The following SLC4A10 variants were observed in gnomAD, a reference collection of about 807,000 sequenced individuals.
SLC4A10 encodes solute carrier family 4 member 10.
In SLC4A10, 42 loss-of-function variants were observed where a neutral mutation model predicts 137.7. The observed-to-expected ratio is 0.30, with a 90% CI of 0.24 to 0.39. The LOEUF (loss-of-function observed/expected upper bound fraction) is 0.39, where lower values mean the gene tolerates loss of function less well. SLC4A10 is among the 10% of genes least tolerant of loss of function. The probability of loss-of-function intolerance (pLI) is 1.00; values close to 1 mark genes in which losing one functional copy is unlikely to be tolerated. For missense variants in SLC4A10, 925 were observed against 1,355.0 expected, an observed-to-expected ratio of 0.68 and a Z score of 4.98; for synonymous variants, 474 against 464.1, an observed-to-expected ratio of 1.02 and a Z score of -0.27.
At chr2:161,781,471 A>G (rs572462549) in intron 2 of SLC4A10, among the ~76,000 whole-genome samples, 10 of 152,114 alleles carry the variant, frequency 6.6e-5, no homozygotes, top group Admixed American at 3.9e-4. Context: ...TGAATGTTTC[A>G]TAAGATATCT....
chr2:161,985,085 T>A lies in SLC4A10; in HGVS notation c.*1933T>A, dbSNP rs571180429. ...TATTTTGAAATCATATAAAATATAA[T>A]AAAAATGTAGTATTATATATTTACT... On this transcript the variant is annotated 3_prime_UTR_variant, in exon 27 of 27. Coordinates refer to ENST00000446997, the MANE Select transcript of SLC4A10 (RefSeq NM_001178015.2). 1 of 151,982 alleles carries A rather than the reference T, an allele frequency of 6.6e-6. No individual in the cohort carries two copies. Among genetic ancestry groups the A allele is most frequent in the Non-Finnish European group, 1.5e-5 (1 of 67,928 alleles). 9.4% of individuals were successfully genotyped at this position (151,982 alleles called of 1,614,324 possible). A position where few individuals can be genotyped will look rare whatever the true frequency, so the allele number is the denominator to read the frequency against.
chr2:161,721,200 A>T (rs529005639), intron 1 of SLC4A10, among the ~76,000 whole-genome samples: 116 of 152,284 alleles, frequency 7.6e-4, no homozygotes, highest in Non-Finnish European at 1.2e-3. Flanking sequence ...TAATATCTTT[A>T]TGTGTGAATT....
chr2:161,827,586 C>T (rs574877129), intron 3 of SLC4A10, among the ~76,000 whole-genome samples: 4 of 149,834 alleles, frequency 2.7e-5, no homozygotes, highest in Admixed American at 6.6e-5. Context: ...TTTTTTGAGA[C>T]GGAGTCTCGC....
intron 15 of SLC4A10, among the ~76,000 whole-genome samples, chr2:161,909,817 C>T (rs555198934): frequency 1.3e-5 from 2 of 152,258 alleles, no homozygotes; most frequent in South Asian, 4.1e-4. Flanking sequence ...TAATCTCATA[C>T]TTTTGCACAA....
intron 1 of SLC4A10, among the ~76,000 whole-genome samples, chr2:161,717,839 A>G (rs1299255250): frequency 6.6e-6 from 1 of 152,078 alleles, no homozygotes; most frequent in Admixed American, 6.6e-5. Flanking sequence ...CTCCTTTCCA[A>G]TTGTTTGGAA....
chr2:161,757,930 A>G (rs978024607), intron 1 of SLC4A10, among the ~76,000 whole-genome samples: 4 of 152,112 alleles, frequency 2.6e-5, no homozygotes. Context: ...TCTTGTGAAG[A>G]GAATAAATAA....
intron 15 of SLC4A10, among the ~76,000 whole-genome samples, chr2:161,910,365 C>T (rs1685540216): frequency 1.3e-5 from 2 of 152,074 alleles, no homozygotes; most frequent in Non-Finnish European, 2.9e-5. Context: ...AGAATACATA[C>T]ATTGCACCAG....
chr2:161,904,530 C>G (rs1172106120), intron 13 of SLC4A10, among the ~76,000 whole-genome samples: 1 of 152,188 alleles, frequency 6.6e-6, no homozygotes, highest in African/African-American at 2.4e-5. Flanking sequence ...TACATTTAAA[C>G]CTTTTGTAAG....
At chr2:161,742,645 G>A (rs188580642) in intron 1 of SLC4A10, among the ~76,000 whole-genome samples, 31 of 151,768 alleles carry the variant, frequency 2.0e-4, no homozygotes, top group African/African-American at 6.8e-4. Context: ...TCACCATGTT[G>A]GCCAGTCTGG....
At chr2:161,955,415 C>T (rs549674954) in intron 19 of SLC4A10, among the ~76,000 whole-genome samples, 1 of 152,258 alleles carries the variant, frequency 6.6e-6, no homozygotes, top group South Asian at 2.1e-4. Context: ...TCTTGAGTTA[C>T]TTGCAAAGAA....
intron 2 of SLC4A10, among the ~76,000 whole-genome samples, chr2:161,793,900 ATT>A (rs1189902864): frequency 6.6e-6 from 1 of 152,142 alleles, no homozygotes; most frequent in Non-Finnish European, 1.5e-5. Flanking sequence ...GCATAACTCA[ATT>A]TGTTTCCTGT....
At chr2:161,735,040 A>G (rs962383353) in intron 1 of SLC4A10, among the ~76,000 whole-genome samples, 1 of 151,916 alleles carries the variant, frequency 6.6e-6, no homozygotes, top group African/African-American at 2.4e-5. Flanking sequence ...AAGTTTTCTG[A>G]GGCCTCCCAA....
In SLC4A10 at chr2:161,855,087, T is replaced by G; in HGVS notation, c.534T>G (p.Thr178=). Residue 178 remains threonine, a synonymous_variant, in exon 5 of 27, where the codon ACT becomes ACG. Coordinates refer to ENST00000446997, the MANE Select transcript of SLC4A10 (RefSeq NM_001178015.2). ...TGAGAAGTTGTATTCTGAATGGAAC[T>G]GTGTTGCTGGACATGCATGCCAACA... ...FELRSCILNG[T]VLLDMHANTL... The G allele has an allele frequency of 6.2e-7, 1 of 1,612,210 alleles. No homozygotes were observed. Among genetic ancestry groups the G allele is most frequent in the Non-Finnish European group, 8.5e-7 (1 of 1,178,964 alleles).
At position 161,957,253 on chromosome 2, in the gene SLC4A10, GTC is replaced by G; in HGVS notation, c.2793+15_2793+16del. ...CAGTATTCTGAAGGTAACAAAATCT[GTC>G]TTTATGAACTTGAGAGAAAGAATAC... On this transcript the variant is annotated intron_variant, in intron 20 of 26. Coordinates refer to ENST00000446997, the MANE Select transcript of SLC4A10 (RefSeq NM_001178015.2). 6.2e-7 allele frequency: 1 copy of G among 1,605,720 alleles called. No homozygotes were observed. The highest frequency in any genetic ancestry group is 1.1e-5 in the South Asian group (1 of 89,954).
At chr2:161,851,574 G>A (rs990268062) in intron 4 of SLC4A10, among the ~76,000 whole-genome samples, 1 of 152,060 alleles carries the variant, frequency 6.6e-6, no homozygotes, top group African/African-American at 2.4e-5. Flanking sequence ...TACTTTCAAA[G>A]GAGCCAAGAT....
intron 1 of SLC4A10, among the ~76,000 whole-genome samples, chr2:161,645,103 A>G (rs16845960): frequency 0.075 from 11,476 of 152,198 alleles, 546 homozygotes; most frequent in East Asian, 0.14. Flanking sequence ...TAAAATGGTT[A>G]TGCTATATTA....
At chr2:161,672,053 G>T (rs145335192) in intron 1 of SLC4A10, among the ~76,000 whole-genome samples, 457 of 152,206 alleles carry the variant, frequency 3.0e-3, no homozygotes, top group African/African-American at 0.01. Flanking sequence ...AGAATGGGGG[G>T]TGTGGACAAG....
intron 15 of SLC4A10, among the ~76,000 whole-genome samples, chr2:161,922,423 A>T (rs897175788): frequency 6.6e-6 from 1 of 152,158 alleles, no homozygotes; most frequent in African/African-American, 2.4e-5. Context: ...AGGTGTATTC[A>T]TAAAAGGATT....
intron 1 of SLC4A10, among the ~76,000 whole-genome samples, chr2:161,720,176 C>G (rs1456181742): frequency 6.6e-6 from 1 of 152,156 alleles, no homozygotes; most frequent in Non-Finnish European, 1.5e-5. Flanking sequence ...GCTTGTTTTT[C>G]TCAAGTTTGT....
Sources: gnomAD v4.1 joint callset for allele counts (sites outside exome capture counted in the v4.1 genomes callset) on GRCh38, gnomAD v4.1.1 for gene constraint, MANE v1.5 for transcripts, NCBI Gene and HGNC (gene_info 2026-07-23, HGNC 2026-07-21) for gene names.